The following PTPRS variants were observed in gnomAD, a reference collection of about 807,000 sequenced individuals.
PTPRS encodes receptor-type tyrosine-protein phosphatase S.
A neutral mutation model predicts 215.3 loss-of-function variants in PTPRS; 63 were observed. The ratio of observed to expected loss-of-function variants is 0.29; its 90% CI spans 0.24 to 0.36. The LOEUF (loss-of-function observed/expected upper bound fraction) is 0.36, where lower values mean the gene tolerates loss of function less well. Among genes scored for constraint, PTPRS ranks in the 10% least tolerant of loss-of-function variants. The pLI, the probability that PTPRS is intolerant of heterozygous loss-of-function variation, is 1.00. For missense variants in PTPRS, 2,258 were observed against 2,825.8 expected, an observed-to-expected ratio of 0.80 and a Z score of 4.56; for synonymous variants, 1,404 against 1,191.4, an observed-to-expected ratio of 1.18 and a Z score of -3.68.
rs1338812878 is a variant in PTPRS at position 5,265,053 on chromosome 19, C to T, written c.523G>A (p.Val175Met). The T allele has an allele frequency of 6.2e-7, 1 of 1,614,064 alleles. No individual in the cohort carries two copies. Among genetic ancestry groups the T allele is most frequent in the African/African-American group, 1.3e-5 (1 of 74,942 alleles). ...EITWFKDFLPVDPSASNGRIK... is the reference protein window; with the variant it reads ...EITWFKDFLPMDPSASNGRIK... ...CGTCCATTGCTGGCACTAGGATCCA[C>T]AGGCAGGAAGTCCTTGAACCAGGTG... is the stretch of plus-strand genomic sequence containing the variant. The change falls in exon 5 of 38, where the codon GTG becomes ATG. Residue 175 changes from valine to methionine, a missense_variant. This residue lies in a region of PTPRS where 508 missense variants were observed against 799.4 expected (regional missense o/e 0.64). Coordinates refer to ENST00000262963, the MANE Select transcript of PTPRS (RefSeq NM_002850.4).
intron 17 of PTPRS, among the ~76,000 whole-genome samples, chr19:5,224,476 C>G (rs146237837): frequency 3.3e-5 from 5 of 152,166 alleles, no homozygotes; most frequent in Non-Finnish European, 5.9e-5. Context: ...ATCCAAAATC[C>G]GCCCCTGCTC....
At position 5,293,831 on chromosome 19, in the gene PTPRS, C is replaced by G. The variant is rs2049033805; in HGVS notation, c.-94-7597G>C. 1.3e-5 allele frequency among the ~76,000 whole-genome samples: 2 copies of G among 152,072 alleles called. No homozygotes were observed. The highest frequency in any genetic ancestry group is 4.8e-5 in the African/African-American group (2 of 41,428). ...GGGGACACCGTGGCAGAGGCCCCCA[C>G]CCTCGCCACAAGCCTGAGGAGGGGG... On this transcript the variant is annotated intron_variant, in intron 1 of 37. Transcript: ENST00000262963. This position sits in a 1 kb window ranked among gnomAD's most constrained non-coding sequence, Gnocchi z 8.4.
intron 1 of PTPRS, among the ~76,000 whole-genome samples, chr19:5,290,775 T>C (rs1291130323): frequency 6.6e-6 from 1 of 151,990 alleles, no homozygotes; most frequent in Non-Finnish European, 1.5e-5. Flanking sequence ...GAAAGACCCC[T>C]GACCCTGCAC....
At position 5,339,197 on chromosome 19, in the gene PTPRS, G is replaced by T. The variant is rs2050605158; in HGVS notation, c.-95+1467C>A. 1.3e-5 allele frequency among the ~76,000 whole-genome samples: 2 copies of T among 152,120 alleles called. No individual in the cohort carries two copies. Among genetic ancestry groups the T allele is most frequent in the African/African-American group, 4.8e-5 (2 of 41,438 alleles). ...GGGGCTCCCCTAGATTGTGACGGGG[G>T]GGGACAGGGGAATCCCAGCTGAGCC... On this transcript the variant is annotated intron_variant, in intron 1 of 37. Transcript: ENST00000262963. The surrounding 1 kb of genome is among the most constrained non-coding windows in gnomAD (Gnocchi z 4.2).
rs889392493 is a variant in PTPRS at position 5,294,480 on chromosome 19, C to T, written c.-94-8246G>A. The stretch of plus-strand genomic sequence containing the variant: ...GGTACAGGGCCATCCTGAAGACAGA[C>T]GCCCCACTCTCTAGAAGCCATTACT... On this transcript the variant is annotated intron_variant, in intron 1 of 37. Transcript: ENST00000262963. This position sits in a 1 kb window ranked among gnomAD's most constrained non-coding sequence, Gnocchi z 5.1. The T allele has an allele frequency of 4.6e-5, 7 of 152,192 alleles. No individual in the cohort carries two copies. The highest frequency in any genetic ancestry group is 3.9e-4 in the Admixed American group (6 of 15,286). 9.4% of individuals were successfully genotyped at this position (152,192 alleles called of 1,614,324 possible). A position where few individuals can be genotyped will look rare whatever the true frequency, so the allele number is the denominator to read the frequency against.
intron 1 of PTPRS, among the ~76,000 whole-genome samples, chr19:5,319,562 T>C (rs1443694016): frequency 6.6e-6 from 1 of 151,864 alleles, no homozygotes; most frequent in Non-Finnish European, 1.5e-5. Flanking sequence ...CAGCCCTCCA[T>C]AGCTCCCACC....
chr19:5,226,707 G>A (rs965434347), intron 16 of PTPRS, among the ~76,000 whole-genome samples: 22 of 152,130 alleles, frequency 1.4e-4, no homozygotes, highest in Non-Finnish European at 2.8e-4. Context: ...CAACATCGTG[G>A]CACTGTACTC....
At chr19:5,240,889 A>AT (rs35045025) in intron 11 of PTPRS, among the ~76,000 whole-genome samples, 174 of 106,328 alleles carry the variant, frequency 1.6e-3, no homozygotes, top group Non-Finnish European at 2.1e-3. Flanking sequence ...AATCCCCTTC[A>AT]TTTTTTTTTT....
At chr19:5,312,049 A>G (rs1353781926) in intron 1 of PTPRS, among the ~76,000 whole-genome samples, 2 of 152,058 alleles carry the variant, frequency 1.3e-5, no homozygotes, top group Non-Finnish European at 2.9e-5. Flanking sequence ...CTCAAAAAAA[A>G]AAAAAAGAAA....
chr19:5,308,658 G>A (rs1338112166), intron 1 of PTPRS, among the ~76,000 whole-genome samples: 1 of 152,214 alleles, frequency 6.6e-6, no homozygotes, highest in East Asian at 1.9e-4. Context: ...AGCAGTGGGG[G>A]AAGAGAGCAG....
At chr19:5,284,638 G>T (rs1369988513) in intron 2 of PTPRS, among the ~76,000 whole-genome samples, 1 of 152,030 alleles carries the variant, frequency 6.6e-6, no homozygotes, top group Admixed American at 6.6e-5. Context: ...ATGTATAGGG[G>T]CATTTACTAA....
rs1364091998 is a variant in PTPRS, at chr19:5,229,654, G to A, written c.2186C>T (p.Ala729Val). Residue 729 changes from alanine to valine, a missense_variant, in exon 15 of 38, where the codon GCG becomes GTG. Physicochemically the swap from Ala to Val is moderately conservative, Grantham distance 64. This residue lies in a region of PTPRS where 371 missense variants were observed against 446.7 expected (regional missense o/e 0.83). Coordinates refer to ENST00000262963, the MANE Select transcript of PTPRS (RefSeq NM_002850.4). The stretch of plus-strand genomic sequence containing the variant: ...GATGGCCGTGGCGTTGAGCGCCTCC[G>A]CCTCCACCTTCCGCGGCGGCGCGCT... ...VPSAPPRKVE[A>V]EALNATAIRV... 9 of 1,289,384 alleles carry A rather than the reference G, an allele frequency of 7.0e-6. No homozygotes were observed. In the East Asian group the frequency reaches 1.9e-4, roughly 27 times the overall value. The allele number at this position is 1,289,384 out of a possible 1,614,324, so 79.9% of individuals were successfully genotyped here. A position where few individuals can be genotyped will look rare whatever the true frequency, so the allele number is the denominator to read the frequency against.
intron 9 of PTPRS, among the ~76,000 whole-genome samples, chr19:5,255,105 C>T (rs889027497): frequency 6.6e-6 from 1 of 152,212 alleles, no homozygotes; most frequent in African/African-American, 2.4e-5. Context: ...CAGTCTCATT[C>T]TGAGGTAGAA....
intron 14 of PTPRS, among the ~76,000 whole-genome samples, chr19:5,230,724 G>A (rs1013789010): frequency 4.6e-5 from 7 of 152,172 alleles, no homozygotes; most frequent in Non-Finnish European, 7.3e-5. Context: ...GCCTCTCAGA[G>A]TGCTGGGATT....
chr19:5,285,165 TG>T (rs1187867347), intron 2 of PTPRS, among the ~76,000 whole-genome samples: 1 of 152,154 alleles, frequency 6.6e-6, no homozygotes, highest in African/African-American at 2.4e-5. Flanking sequence ...ATGAGCTCTG[TG>T]ACAGTGGGTA....
chr19:5,293,330 GGGCTGCAGGGGAC>G lies in PTPRS; in HGVS notation c.-94-7109_-94-7097del. ...GTAGGGGGCGGGGTTGCAGTGGGCGGGGCTGCAGGGGACGGGCCCCGAGGAGGGGGATTGGGGG... is the reference window on the plus strand; with the variant it reads ...GTAGGGGGCGGGGTTGCAGTGGGCGGGGGCCCCGAGGAGGGGGATTGGGGG... On this transcript the variant is annotated intron_variant, in intron 1 of 37. Coordinates refer to ENST00000262963, the MANE Select transcript of PTPRS (RefSeq NM_002850.4). The surrounding 1 kb of genome is among the most constrained non-coding windows in gnomAD (Gnocchi z 8.4). 6.6e-6 allele frequency: 1 copy of G among 151,058 alleles called. No individual in the cohort carries two copies. The highest frequency in any genetic ancestry group is 1.5e-5 in the Non-Finnish European group (1 of 67,552). 9.4% of individuals were successfully genotyped at this position (151,058 alleles called of 1,614,324 possible).
chr19:5,221,300 T>G, intron 19 of PTPRS, 47 bp from the exon 20 acceptor site: 1 of 1,571,108 alleles, frequency 6.4e-7, no homozygotes, highest in Non-Finnish European at 8.6e-7. Context: ...CTCATGCCCA[T>G]GGACTGAGCC....
chr19:5,239,185 G>GAC (rs2043776668), intron 12 of PTPRS, 122 bp from the exon 13 acceptor site: 1 of 698,638 alleles, frequency 1.4e-6, no homozygotes, highest in Non-Finnish European at 2.4e-6. Flanking sequence ...GAGAGAGAGA[G>GAC]AGACAGAGAA....
intron 5 of PTPRS, among the ~76,000 whole-genome samples, chr19:5,264,231 C>T (rs2046241440): frequency 6.6e-6 from 1 of 152,032 alleles, no homozygotes; most frequent in Non-Finnish European, 1.5e-5. Flanking sequence ...CATCACCTTA[C>T]TTGTCACCTC....
Sources: gnomAD v4.1 joint callset for allele counts (sites outside exome capture counted in the v4.1 genomes callset) on GRCh38, gnomAD v4.1.1 for gene constraint, gnomAD v4.1.1 regional missense constraint, Gnocchi (gnomAD v3.1) non-coding constraint, MANE v1.5 for transcripts, NCBI Gene and HGNC (gene_info 2026-07-23, HGNC 2026-07-21) for gene names.